The following CA10 variants were observed in gnomAD, a reference collection of about 807,000 sequenced individuals.
The protein encoded by CA10 is carbonic anhydrase 10 (inactive).
A neutral mutation model predicts 44.2 loss-of-function variants in CA10; 14 were observed. The ratio of observed to expected loss-of-function variants is 0.32; its 90% CI spans 0.21 to 0.50. CA10 has a LOEUF of 0.50. Ranked by LOEUF, CA10 falls within the 20% of genes least tolerant of loss-of-function variation. The pLI, the probability that CA10 is intolerant of heterozygous loss-of-function variation, is 0.99. For synonymous variants in CA10, 159 were observed against 141.6 expected (o/e 1.12, Z -0.87); for missense variants, 350 against 409.7 (o/e 0.85, Z 1.26).
intron 2 of CA10, among the ~76,000 whole-genome samples, chr17:51,961,275 TG>T (rs1271695741): frequency 6.6e-6 from 1 of 152,048 alleles, no homozygotes; most frequent in African/African-American, 2.4e-5. Flanking sequence ...TTAAAATTTC[TG>T]TAATGCATTT....
chr17:52,076,928 G>T (rs1987833094), intron 1 of CA10, among the ~76,000 whole-genome samples: 1 of 152,090 alleles, frequency 6.6e-6, no homozygotes, highest in Admixed American at 6.5e-5. Flanking sequence ...GTATGGATCA[G>T]AATTTTTTAA....
intron 6 of CA10, among the ~76,000 whole-genome samples, chr17:51,637,337 C>G (rs1405959419): frequency 6.6e-6 from 1 of 152,190 alleles, no homozygotes; most frequent in African/African-American, 2.4e-5. Context: ...AGTAGCTCAT[C>G]TACATCCATG....
intron 2 of CA10, among the ~76,000 whole-genome samples, chr17:51,977,841 G>A (rs1382704579): frequency 6.6e-6 from 1 of 152,002 alleles, no homozygotes; most frequent in Non-Finnish European, 1.5e-5. Context: ...TAATACTGCA[G>A]AATACAATCC....
chr17:51,817,320 T>G (rs1366089645), intron 3 of CA10, among the ~76,000 whole-genome samples: 1 of 152,216 alleles, frequency 6.6e-6, no homozygotes, highest in Non-Finnish European at 1.5e-5. Flanking sequence ...CCTGCTTTCA[T>G]AGCAGAGTTG....
chr17:51,739,501 T>C (rs945821608), intron 4 of CA10, among the ~76,000 whole-genome samples: 2 of 152,146 alleles, frequency 1.3e-5, no homozygotes, highest in Non-Finnish European at 1.5e-5. Context: ...AGGAGGATGG[T>C]GGCTGTCATA....
At chr17:52,125,255 G>A (rs1161684449) in intron 1 of CA10, among the ~76,000 whole-genome samples, 1 of 152,166 alleles carries the variant, frequency 6.6e-6, no homozygotes, top group Non-Finnish European at 1.5e-5. Flanking sequence ...AGTACTTAGT[G>A]ACTGACTTTT....
At chr17:52,048,059 C>A (rs895221804) in intron 2 of CA10, among the ~76,000 whole-genome samples, 17 of 138,378 alleles carry the variant, frequency 1.2e-4, no homozygotes, top group South Asian at 2.4e-4. Context: ...AAAAAAAAAA[C>A]ATTTGTTTTT....
intron 3 of CA10, among the ~76,000 whole-genome samples, chr17:51,835,089 C>T (rs1343647251): frequency 6.6e-6 from 1 of 152,034 alleles, no homozygotes; most frequent in Non-Finnish European, 1.5e-5. Flanking sequence ...GACCTTGTGC[C>T]CCGGCTGCTC....
chr17:51,831,732 G>GCCGCCGCCGC (rs1567854679), intron 3 of CA10, among the ~76,000 whole-genome samples: 4 of 145,940 alleles, frequency 2.7e-5, no homozygotes, highest in African/African-American at 1.0e-4. Flanking sequence ...AGCAGCAGCA[G>GCCGCCGCCGC]AAAAAGACCT....
chr17:51,818,653 C>T (rs1209842006), intron 3 of CA10, among the ~76,000 whole-genome samples: 2 of 152,178 alleles, frequency 1.3e-5, no homozygotes, highest in Non-Finnish European at 2.9e-5. Context: ...GTGCAGAAGT[C>T]ACACCTAATG....
intron 1 of CA10, among the ~76,000 whole-genome samples, chr17:52,151,500 C>T (rs1021419839): frequency 2.0e-4 from 31 of 152,100 alleles, no homozygotes; most frequent in Non-Finnish European, 1.5e-4. Flanking sequence ...ATACTTTATA[C>T]ACATTTCTAT....
intron 4 of CA10, among the ~76,000 whole-genome samples, chr17:51,711,875 G>C (rs2143493317): frequency 6.6e-6 from 1 of 152,304 alleles, no homozygotes; most frequent in East Asian, 1.9e-4. Context: ...TGAGCAGTTA[G>C]CAGAGGGCAG....
chr17:51,636,841 T>C (rs1180466016), intron 6 of CA10, among the ~76,000 whole-genome samples: 3 of 151,354 alleles, frequency 2.0e-5, no homozygotes, highest in Non-Finnish European at 4.4e-5. Context: ...TCTATGCAGA[T>C]AGCCTTTTCT....
chr17:51,716,147 G>A (rs9903383), intron 4 of CA10, among the ~76,000 whole-genome samples: 2,792 of 152,082 alleles, frequency 0.018, 83 homozygotes, highest in African/African-American at 0.064. Context: ...TATACAAAAC[G>A]CTGTGAAAAT....
At chr17:51,633,335 T>A in intron 8 of CA10, 141 bp downstream of exon 8, 1 of 826,106 alleles carries the variant, frequency 1.2e-6, no homozygotes, top group Non-Finnish European at 1.9e-6. Flanking sequence ...TTCATCACCA[T>A]GCAAATGGAG....
At chr17:51,688,615 ATAT>A (rs1453301798) in intron 4 of CA10, among the ~76,000 whole-genome samples, 5 of 152,108 alleles carry the variant, frequency 3.3e-5, no homozygotes, top group African/African-American at 9.7e-5. Flanking sequence ...TTCTTGTTTT[ATAT>A]TATTATGGAC....
At chr17:51,803,295 C>T (rs1463814958) in intron 3 of CA10, among the ~76,000 whole-genome samples, 8 of 152,160 alleles carry the variant, frequency 5.3e-5, no homozygotes, top group African/African-American at 7.2e-5. Flanking sequence ...CATCCTCCTG[C>T]GATGGGGCCT....
rs143475496 is a variant in CA10 at position 51,738,727 on chromosome 17, A to T, written c.465+8906T>A. ...GGCTGACTCTATAGATGCCCTTGCG[A>T]TGGGGCTGTGCTCACAAATGCAGGA... On this transcript the variant is annotated intron_variant, in intron 4 of 8. Coordinates refer to ENST00000451037, the MANE Select transcript of CA10 (RefSeq NM_020178.5). 8.5e-4 allele frequency among the ~76,000 whole-genome samples: 129 copies of T among 152,270 alleles called. 1 individual carries two copies. The East Asian group carries it at 0.023, about 27-fold the overall frequency.
chr17:51,757,379 G>A (rs1443116987), intron 3 of CA10, among the ~76,000 whole-genome samples: 1 of 152,182 alleles, frequency 6.6e-6, no homozygotes, highest in Non-Finnish European at 1.5e-5. Context: ...GGATTCTAAA[G>A]CTAAAGGACT....
Sources: gnomAD v4.1 joint callset for allele counts (sites outside exome capture counted in the v4.1 genomes callset) on GRCh38, gnomAD v4.1.1 for gene constraint, MANE v1.5 for transcripts, NCBI Gene and HGNC (gene_info 2026-07-23, HGNC 2026-07-21) for gene names.